The following DENND5A variants were observed in gnomAD, a reference collection of about 807,000 sequenced individuals.
DENND5A encodes the protein DENN domain-containing protein 5A.
Under a neutral mutation model 140.3 loss-of-function variants are expected in DENND5A, and 64 were observed. That is an observed-to-expected ratio of 0.46 (90% CI 0.37 to 0.56). The LOEUF is 0.56. DENND5A is among the 20% of genes least tolerant of loss of function. The probability of loss-of-function intolerance (pLI) is 0.00; values close to 1 mark genes in which losing one functional copy is unlikely to be tolerated. For synonymous variants in DENND5A, 605 were observed against 607.7 expected, an observed-to-expected ratio of 1.00 and a Z score of 0.07; for missense variants, 1,292 against 1,593.8, an observed-to-expected ratio of 0.81 and a Z score of 3.22.
At chr11:9,171,368 A>G (rs1355247595) in intron 8 of DENND5A, 1 of 152,558 alleles carries the variant, frequency 6.6e-6, no homozygotes, top group East Asian at 1.9e-4. Flanking sequence ...GCACTGAGTA[A>G]AGTACTCAGA....
intron 1 of DENND5A, among the ~76,000 whole-genome samples, chr11:9,208,832 T>C (rs1391242339): frequency 7.1e-6 from 1 of 140,830 alleles, no homozygotes; most frequent in Non-Finnish European, 1.6e-5. Context: ...CACTAAAGAC[T>C]GGCAAAAATC....
chr11:9,177,254 GA>G (rs113043034), intron 8 of DENND5A, among the ~76,000 whole-genome samples: 360 of 65,156 alleles, frequency 5.5e-3, no homozygotes, highest in Non-Finnish European at 6.1e-3. Context: ...ACCCTGTCTC[GA>G]AAAAAAAAAA....
chr11:9,181,500 G>A (rs1848730489), intron 5 of DENND5A, among the ~76,000 whole-genome samples: 1 of 152,126 alleles, frequency 6.6e-6, no homozygotes, highest in African/African-American at 2.4e-5. Context: ...CTGGGAGGCT[G>A]AGATGGGCGG....
intron 1 of DENND5A, among the ~76,000 whole-genome samples, chr11:9,244,671 T>A (rs1851388824): frequency 6.6e-6 from 1 of 151,480 alleles, no homozygotes; most frequent in Admixed American, 6.6e-5. Context: ...GCTCAGCCTA[T>A]TTTATTTATT....
intron 6 of DENND5A, 62 bp from the exon 7 acceptor site, chr11:9,179,135 CA>C: frequency 2.8e-6 from 4 of 1,421,092 alleles, no homozygotes; most frequent in Non-Finnish European, 3.9e-6. Context: ...CCAAGGAATG[CA>C]ATTCCTGATT....
chr11:9,240,809 T>C (rs1237370963), intron 1 of DENND5A, among the ~76,000 whole-genome samples: 2 of 151,874 alleles, frequency 1.3e-5, no homozygotes, highest in East Asian at 3.9e-4. Flanking sequence ...CTGATAGGGG[T>C]TATAGGTGTT....
chr11:9,153,344 CAAAAAAAAAA>C (rs59736475), intron 12 of DENND5A, among the ~76,000 whole-genome samples: 14 of 27,026 alleles, frequency 5.2e-4, no homozygotes, highest in African/African-American at 1.0e-3. Flanking sequence ...GGCTCCCTCT[CAAAAAAAAAA>C]AAAAAAAAAA....
rs756081141 is a variant in DENND5A, at chr11:9,180,759, C to T, written c.1455+8G>A. On this transcript the variant is annotated splice_region_variant and intron_variant, in intron 6 of 22. Transcript: ENST00000328194. ...CACACGTGTCACAGACTCATATACA[C>T]ATCTTACCTTTTCCAGGCTCACCCC... 2 of 1,612,606 alleles carry T rather than the reference C, an allele frequency of 1.2e-6. No individual in the cohort carries two copies. The highest frequency in any genetic ancestry group is 1.1e-5 in the South Asian group (1 of 90,778).
chr11:9,160,252 A>T (rs1001431181), intron 12 of DENND5A, among the ~76,000 whole-genome samples: 2 of 152,228 alleles, frequency 1.3e-5, no homozygotes, highest in Non-Finnish European at 2.9e-5. Context: ...GAAAAATCAA[A>T]CTTACTCAAC....
At chr11:9,210,406 T>C (rs1465099146) in intron 1 of DENND5A, among the ~76,000 whole-genome samples, 4 of 152,248 alleles carry the variant, frequency 2.6e-5, no homozygotes, top group Non-Finnish European at 4.4e-5. Context: ...TGAGTCTATC[T>C]TTGTGAATCT....
intron 22 of DENND5A, among the ~76,000 whole-genome samples, chr11:9,140,927 G>A (rs1847216161): frequency 6.6e-6 from 1 of 152,152 alleles, no homozygotes; most frequent in African/African-American, 2.4e-5. Context: ...AGGAGTTCAA[G>A]ACCAGCCTGA....
At chr11:9,242,749 G>A (rs1266108778) in intron 1 of DENND5A, 5 of 152,048 alleles carry the variant, frequency 3.3e-5, no homozygotes, top group Admixed American at 3.3e-4. Flanking sequence ...GGCCCCCTAT[G>A]ACCCACAGTG....
chr11:9,227,986 G>T (rs1377084737), intron 1 of DENND5A, among the ~76,000 whole-genome samples: 2 of 151,314 alleles, frequency 1.3e-5, no homozygotes, highest in Admixed American at 6.6e-5. Context: ...GGTGGTGCAT[G>T]CCTGTAATCC....
chr11:9,246,128 T>A (rs1851461875), intron 1 of DENND5A, among the ~76,000 whole-genome samples: 1 of 152,156 alleles, frequency 6.6e-6, no homozygotes, highest in African/African-American at 2.4e-5. Flanking sequence ...GCGCCCTAGC[T>A]AGCCCTAGAA....
intron 8 of DENND5A, among the ~76,000 whole-genome samples, chr11:9,174,865 G>A (rs891123431): frequency 1.3e-5 from 2 of 151,960 alleles, no homozygotes; most frequent in Non-Finnish European, 2.9e-5. Context: ...AACTGCTAAA[G>A]GTTATCTATG....
rs771739519 is a variant in DENND5A, at chr11:9,180,909, A to T, written c.1313T>A (p.Leu438Gln). ...CSESASKLKR[L>Q]RASELVSDKR... ...GTCCGAGACAAGCTCAGAGGCCCGC[A>T]GCCTCTTCAGCTTGGAGGCACTCTC... Residue 438 changes from leucine (L) to glutamine (Q), a missense_variant, in exon 6 of 23, where the codon CTG becomes CAG. Coordinates refer to ENST00000328194, the MANE Select transcript of DENND5A (RefSeq NM_015213.4). 7.4e-6 allele frequency: 12 copies of T among 1,614,094 alleles called. No individual in the cohort carries two copies. The highest frequency in any genetic ancestry group is 1.0e-5 in the Non-Finnish European group (12 of 1,180,050).
intron 13 of DENND5A, among the ~76,000 whole-genome samples, chr11:9,151,097 G>A (rs1334794021): frequency 1.3e-5 from 2 of 152,144 alleles, no homozygotes; most frequent in Non-Finnish European, 1.5e-5. Flanking sequence ...CTGGAACACA[G>A]ACCTCCTGGC....
intron 5 of DENND5A, among the ~76,000 whole-genome samples, chr11:9,183,469 C>T (rs1220051929): frequency 1.4e-5 from 2 of 147,776 alleles, no homozygotes; most frequent in African/African-American, 5.0e-5. Context: ...CAGAGTTTTG[C>T]TCTATTGCCC....
At chr11:9,171,565 T>C (rs1050053368) in intron 8 of DENND5A, 8 of 152,198 alleles carry the variant, frequency 5.3e-5, no homozygotes, top group African/African-American at 1.4e-4. Flanking sequence ...GTGTCTGGCA[T>C]CTAATCAAAG....
Sources: allele counts gnomAD v4.1 joint callset (sites outside exome capture counted in the v4.1 genomes callset), GRCh38; gene constraint gnomAD v4.1.1; transcripts MANE v1.5; gene names NCBI Gene and HGNC (gene_info 2026-07-23, HGNC 2026-07-21).